PRKD1: variants seen among roughly 807,000 people sequenced by gnomAD.
PRKD1 encodes serine/threonine-protein kinase D1.
Under a neutral mutation model 95.9 loss-of-function variants are expected in PRKD1, and 63 were observed. The ratio of observed to expected loss-of-function variants is 0.66; its 90% CI spans 0.54 to 0.81. PRKD1 has a LOEUF of 0.81. Ranked by LOEUF, PRKD1 falls within the 30% of genes least tolerant of loss-of-function variation. PRKD1 has a pLI of 0.00. For missense variants in PRKD1, 1,048 were observed against 1,165.3 expected, an observed-to-expected ratio of 0.90 and a Z score of 1.47; for synonymous variants, 425 against 423.1, an observed-to-expected ratio of 1.00 and a Z score of -0.05.
At position 29,626,543 on chromosome 14, in the gene PRKD1, A is replaced by G; in HGVS notation, c.1739T>C (p.Val580Ala). ...TACTTCATCAGGAAAAATCTGATAT[A>G]CTGTGCTGATGTCCTAGAGGTACAA... ...QIQENVDIST[V>A]YQIFPDEVLG... Residue 580 changes from valine (V) to alanine (A), a missense_variant, in exon 12 of 18, where the codon GTA (valine) becomes GCA (alanine). This residue lies in a region of PRKD1 where 739 missense variants were observed against 861.9 expected (regional missense o/e 0.86). Coordinates refer to ENST00000331968, the MANE Select transcript of PRKD1 (RefSeq NM_002742.3). 6.2e-7 allele frequency: 1 copy of G among 1,612,218 alleles called. No individual in the cohort carries two copies. Among genetic ancestry groups the G allele is most frequent in the Non-Finnish European group, 8.5e-7 (1 of 1,179,024 alleles).
chr14:29,745,532 A>G (rs981089291), intron 1 of PRKD1, among the ~76,000 whole-genome samples: 1 of 152,140 alleles, frequency 6.6e-6, no homozygotes, highest in Non-Finnish European at 1.5e-5. Context: ...GCAATGGTGC[A>G]ATCATAGCTC....
intron 1 of PRKD1, among the ~76,000 whole-genome samples, chr14:29,770,324 T>G (rs1448847623): frequency 1.3e-5 from 2 of 152,144 alleles, no homozygotes; most frequent in East Asian, 3.9e-4. Context: ...GGGTAATGAG[T>G]AAAGGCTGGG....
chr14:29,709,856 T>A (rs1236954684), intron 2 of PRKD1, among the ~76,000 whole-genome samples: 1 of 152,126 alleles, frequency 6.6e-6, no homozygotes, highest in East Asian at 1.9e-4. Flanking sequence ...TCAACCAATA[T>A]AAATATTAAT....
At chr14:29,707,789 C>T (rs1178099023) in intron 2 of PRKD1, among the ~76,000 whole-genome samples, 1 of 152,094 alleles carries the variant, frequency 6.6e-6, no homozygotes, top group Non-Finnish European at 1.5e-5. Flanking sequence ...TTCACTGACT[C>T]CTGACTCTAG....
At chr14:29,920,080 G>A (rs1358687024) in intron 1 of PRKD1, among the ~76,000 whole-genome samples, 4 of 141,588 alleles carry the variant, frequency 2.8e-5, no homozygotes, top group Non-Finnish European at 6.0e-5. Flanking sequence ...AAGGAAGGAA[G>A]GAAGGAGAAA....
chr14:29,668,396 A>C lies in PRKD1; in HGVS notation c.404-2188T>G, dbSNP rs532847106. On this transcript the variant is annotated intron_variant, in intron 2 of 17. Coordinates refer to ENST00000331968, the MANE Select transcript of PRKD1 (RefSeq NM_002742.3). ...TCTGTCATAATCAATCAGCCAACCTAAATTAAAACCATATGACAGGGCAAC... is the reference window on the plus strand; with the variant it reads ...TCTGTCATAATCAATCAGCCAACCTCAATTAAAACCATATGACAGGGCAAC... 5.6e-3 allele frequency among the ~76,000 whole-genome samples: 853 copies of C among 152,314 alleles called. 3 individuals carry two copies. The highest frequency in any genetic ancestry group is 7.0e-3 in the Non-Finnish European group (475 of 68,012).
chr14:29,673,812 G>T (rs1219366897), intron 2 of PRKD1, among the ~76,000 whole-genome samples: 3 of 152,152 alleles, frequency 2.0e-5, no homozygotes, highest in African/African-American at 7.2e-5. Context: ...GCTTTCCAGA[G>T]ATGTTTTTGC....
intron 4 of PRKD1, among the ~76,000 whole-genome samples, chr14:29,639,664 G>C (rs1432308713): frequency 6.7e-6 from 1 of 150,298 alleles, no homozygotes; most frequent in Non-Finnish European, 1.5e-5. Flanking sequence ...GAAAAAGAAA[G>C]AAAGAAAGAA....
intron 1 of PRKD1, among the ~76,000 whole-genome samples, chr14:29,910,258 G>A (rs1325895976): frequency 3.9e-5 from 6 of 152,022 alleles, no homozygotes; most frequent in Non-Finnish European, 7.4e-5. Flanking sequence ...AACTCCAGAC[G>A]CGCCGCCTTA....
chr14:29,674,191 A>G (rs899233392), intron 2 of PRKD1, among the ~76,000 whole-genome samples: 3 of 152,108 alleles, frequency 2.0e-5, no homozygotes, highest in African/African-American at 4.8e-5. Context: ...ATGGAGAGGA[A>G]TGCTGTTTCT....
chr14:29,659,614 T>C (rs1013452710), intron 4 of PRKD1, among the ~76,000 whole-genome samples: 1 of 152,198 alleles, frequency 6.6e-6, no homozygotes, highest in African/African-American at 2.4e-5. Context: ...AGTTGCTCAG[T>C]ATCTTCCCCA....
chr14:29,734,028 C>CTTTTTTTTTTTTTTTTTTTTTTTTTTT (rs58908662), intron 1 of PRKD1, among the ~76,000 whole-genome samples: 1 of 64,640 alleles, frequency 1.5e-5, no homozygotes, highest in African/African-American at 7.9e-5. Flanking sequence ...ACTTTCCTGC[C>CTTTTTTTTTTTTTTTTTTTTTTTTTTT]TTTTTTTTTT....
In PRKD1 at chr14:29,597,555, G is replaced by C; in HGVS notation, c.2370C>G (p.His790Gln). The change falls in exon 16 of 18, where the codon CAC (histidine) becomes CAG (glutamine). Residue 790 changes from histidine to glutamine, a missense_variant. This residue lies in a region of PRKD1 where 739 missense variants were observed against 861.9 expected (regional missense o/e 0.86). Coordinates refer to ENST00000331968, the MANE Select transcript of PRKD1 (RefSeq NM_002742.3). ...TFPFNEDEDI[H>Q]DQIQNAAFMY... The stretch of plus-strand genomic sequence containing the variant: ...TGAAAGCTGCATTCTGAATTTGGTC[G>C]TGTATGTCTTCATCTTCATTAAATG... 1 of 1,613,788 alleles carries C rather than the reference G, an allele frequency of 6.2e-7. No individual in the cohort carries two copies. Among genetic ancestry groups the C allele is most frequent in the African/African-American group, 1.3e-5 (1 of 75,010 alleles).
intron 1 of PRKD1, among the ~76,000 whole-genome samples, chr14:29,816,782 G>A (rs1400335276): frequency 6.6e-6 from 1 of 152,148 alleles, no homozygotes; most frequent in Admixed American, 6.5e-5. Flanking sequence ...CCTCAATAGT[G>A]TAAATAATCT....
In PRKD1 at chr14:29,598,985, G is replaced by A. The variant is rs757558570; in HGVS notation, c.2166+42C>T. Reference sequence around the variant, plus strand: ...AAGATGCTACATGGAAGCTAGCAATGCTTCCAACTGGCTTTTTGCTGAGAG... The same window carrying A: ...AAGATGCTACATGGAAGCTAGCAATACTTCCAACTGGCTTTTTGCTGAGAG... On this transcript the variant is annotated intron_variant, in intron 15 of 17. Coordinates refer to ENST00000331968, the MANE Select transcript of PRKD1 (RefSeq NM_002742.3). 3 of 1,502,854 alleles carry A rather than the reference G, an allele frequency of 2.0e-6. No individual in the cohort carries two copies. In the South Asian group the frequency reaches 3.4e-5, roughly 17 times the overall value. The allele number at this position is 1,502,854 out of a possible 1,614,324, so 93.1% of individuals were successfully genotyped here. A position where few individuals can be genotyped will look rare whatever the true frequency, so the allele number is the denominator to read the frequency against.
intron 1 of PRKD1, among the ~76,000 whole-genome samples, chr14:29,831,449 G>GTTTTTTTTTTTTTTTTTTTT: frequency 7.8e-6 from 1 of 128,558 alleles, no homozygotes. Context: ...AGAATGTTTG[G>GTTTTTTTTTTTTTTTTTTTT]TTTTTTTTTT....
At chr14:29,842,129 T>C (rs1891877250) in intron 1 of PRKD1, among the ~76,000 whole-genome samples, 1 of 152,210 alleles carries the variant, frequency 6.6e-6, no homozygotes, top group African/African-American at 2.4e-5. Context: ...TCATCTTCTA[T>C]GATAACAATG....
chr14:29,641,000 C>T (rs1479506042), intron 4 of PRKD1, among the ~76,000 whole-genome samples: 1 of 152,130 alleles, frequency 6.6e-6, no homozygotes, highest in Non-Finnish European at 1.5e-5. Flanking sequence ...CAAACACTGC[C>T]ATAAACTACA....
At chr14:29,596,845 T>G (rs1353895306) in intron 16 of PRKD1, among the ~76,000 whole-genome samples, 1 of 152,174 alleles carries the variant, frequency 6.6e-6, no homozygotes, top group Non-Finnish European at 1.5e-5. Context: ...CAATTTCTTT[T>G]AAACAATCTT....
Sources: allele counts gnomAD v4.1 joint callset (sites outside exome capture counted in the v4.1 genomes callset), GRCh38; gene constraint gnomAD v4.1.1; regional missense constraint gnomAD v4.1.1; transcripts MANE v1.5; gene names NCBI Gene and HGNC (gene_info 2026-07-23, HGNC 2026-07-21).